Variants in UBTF observed in about 807,000 individuals in gnomAD.
UBTF encodes nucleolar transcription factor 1.
UBTF carries 8 observed loss-of-function variants against 112.3 expected under a neutral mutation model. The ratio of observed to expected loss-of-function variants is 0.07; its 90% CI spans 0.04 to 0.13. The LOEUF (loss-of-function observed/expected upper bound fraction) is 0.13. Among genes scored for constraint, UBTF ranks in the 10% least tolerant of loss-of-function variants. The pLI, the probability that UBTF is intolerant of heterozygous loss-of-function variation, is 1.00. For synonymous variants in UBTF, 417 were observed against 373.1 expected (o/e 1.12, Z -1.36); for missense variants, 457 against 982.1 (o/e 0.47, Z 7.15).
At position 44,207,278 on chromosome 17, in the gene UBTF, G is replaced by A; in HGVS notation, c.2259C>T (p.Ser753=). ...CAGAGTCTGAGGAGTCCCCTGAGGA[G>A]GAGGAGCTGGAGCTGCTGCCCTCGG... ...NESEGSSSSS[S]SSGDSSDSDS... is the part of the protein sequence containing the mutation. Residue 753 remains serine (S), a synonymous_variant, in exon 21 of 21, where the codon TCC becomes TCT. Transcript: ENST00000436088. 1.2e-6 allele frequency: 2 copies of A among 1,613,572 alleles called. No homozygotes were observed. Among genetic ancestry groups the A allele is most frequent in the Non-Finnish European group, 1.7e-6 (2 of 1,179,834 alleles).
chr17:44,209,149 G>A (rs865820580), intron 17 of UBTF: 5 of 504,482 alleles, frequency 9.9e-6, no homozygotes, highest in Middle Eastern at 1.1e-3. Flanking sequence ...AGCCTGGGCA[G>A]GAGAGCAAGA....
rs781283418 is a variant in UBTF, at chr17:44,210,938, C to T, written c.1213G>A (p.Glu405Lys). The change falls in exon 13 of 21, where the codon GAG (glutamate) becomes AAG (lysine). Residue 405 changes from glutamate to lysine, a missense_variant. Physicochemically the swap from Glu to Lys is moderately conservative, Grantham distance 56. This residue lies in a region of UBTF where 108 missense variants were observed against 137.4 expected (regional missense o/e 0.79). Transcript: ENST00000436088. ...GCCGACACGGGCCGCTTGGGCTTCT[C>T]GGAGCCGCCCTGTCCAGGTGCAGAG... Reference protein sequence around the residue: ...PAQEGGKGGSEKPKRPVSAMF... With the variant: ...PAQEGGKGGSKKPKRPVSAMF... 2.5e-6 allele frequency: 4 copies of T among 1,606,662 alleles called. No homozygotes were observed. Among genetic ancestry groups the T allele is most frequent in the Non-Finnish European group, 2.5e-6 (3 of 1,178,788 alleles).
upstream of UBTF, chr17:44,221,185 C>T (rs982881917): frequency 6.6e-6 from 1 of 152,054 alleles, no homozygotes; most frequent in Non-Finnish European, 1.5e-5. Context: ...TATTTCTGCC[C>T]CCAGCTCGCA....
intron 19 of UBTF, 37 bp downstream of exon 19, chr17:44,207,662 C>CGCCCCA (rs1555577217): frequency 2.7e-5 from 43 of 1,614,094 alleles, no homozygotes; most frequent in Non-Finnish European, 3.6e-5. Flanking sequence ...GCAGTGCCCC[C>CGCCCCA]CGCCCCACGC....
Position 44,210,585 on chromosome 17 carries a change from T to C in UBTF, c.1360-112A>G, listed in dbSNP as rs1002528538. 69 of 1,412,874 alleles carry C rather than the reference T, an allele frequency of 4.9e-5. No homozygotes were observed. In the Admixed American group the frequency reaches 7.4e-4, roughly 15 times the overall value. 87.5% of individuals were successfully genotyped at this position (1,412,874 alleles called of 1,614,324 possible). A position where few individuals can be genotyped will look rare whatever the true frequency, so the allele number is the denominator to read the frequency against. ...GGGCAGAAGCATGGGCTGGTGCAGA[T>C]GTCTCCCGCCTGGGGCTCGCCCCCG... is the stretch of plus-strand genomic sequence containing the variant. On this transcript the variant is annotated intron_variant, in intron 13 of 20. Coordinates refer to ENST00000436088, the MANE Select transcript of UBTF (RefSeq NM_014233.4).
intron 5 of UBTF, among the ~76,000 whole-genome samples, chr17:44,213,548 G>A (rs762415264): frequency 9.2e-5 from 14 of 152,200 alleles, no homozygotes; most frequent in Admixed American, 3.9e-4. Context: ...GTCCCAGAAG[G>A]GGGCCATGGC....
rs560830882 is a variant in UBTF at position 44,205,822 on chromosome 17, G to A, written c.*1420C>T. The A allele has an allele frequency of 6.6e-6, 1 of 152,250 alleles. No individual in the cohort carries two copies. The highest frequency in any genetic ancestry group is 1.5e-5 in the Non-Finnish European group (1 of 68,050). The allele number at this position is 152,250 out of a possible 1,614,324, so 9.4% of individuals were successfully genotyped here. A position where few individuals can be genotyped will look rare whatever the true frequency, so the allele number is the denominator to read the frequency against. On this transcript the variant is annotated 3_prime_UTR_variant, in exon 21 of 21. Coordinates refer to ENST00000436088, the MANE Select transcript of UBTF (RefSeq NM_014233.4). ...AAAAAAATAAGAACTACAGAGATAA[G>A]GTGGCTTGGCTTATTAAGAGTCAAG...
intron 2 of UBTF, 21 bp from the exon 3 acceptor site, chr17:44,216,725 C>T: frequency 1.2e-6 from 2 of 1,613,276 alleles, no homozygotes; most frequent in South Asian, 2.2e-5. Context: ...GTAACAGAGG[C>T]CATCATGCCT....
intron 20 of UBTF, 43 bp downstream of exon 20, chr17:44,207,411 G>A (rs2056319018): frequency 3.1e-6 from 5 of 1,611,684 alleles, no homozygotes; most frequent in Non-Finnish European, 4.2e-6. Flanking sequence ...TGGCCCTCCT[G>A]GCAGGACTCC....
At chr17:44,208,092 ATTTTTTTTTTTTTT>A (rs57107684) in intron 17 of UBTF, among the ~76,000 whole-genome samples, 181 bp from the exon 18 acceptor site, 9 of 117,994 alleles carry the variant, frequency 7.6e-5, no homozygotes, top group Non-Finnish European at 1.4e-4. Context: ...CACAGCTCTA[ATTTTTTTTTTTTTT>A]TTTTTTTTTT....
intron 15 of UBTF, 30 bp from the exon 16 acceptor site, chr17:44,209,763 C>T: frequency 6.2e-7 from 1 of 1,606,530 alleles, no homozygotes; most frequent in Non-Finnish European, 8.5e-7. Flanking sequence ...GCTCACCCCC[C>T]AGTCCCACCC....
chr17:44,209,941 G>C (rs1341724806), intron 15 of UBTF, among the ~76,000 whole-genome samples, 183 bp downstream of exon 15: 1 of 152,136 alleles, frequency 6.6e-6, no homozygotes, highest in Non-Finnish European at 1.5e-5. Context: ...CGCATCCTCC[G>C]AGTCAGCCTG....
chr17:44,210,581 C>T, intron 13 of UBTF, 108 bp from the exon 14 acceptor site: 1 of 1,417,162 alleles, frequency 7.1e-7, no homozygotes, highest in Non-Finnish European at 9.2e-7. Context: ...TGGGCTGGTG[C>T]AGATGTCTCC....
upstream of UBTF, chr17:44,219,748 C>G (rs1358759150): frequency 6.5e-6 from 1 of 153,698 alleles, no homozygotes; most frequent in Non-Finnish European, 1.4e-5. Flanking sequence ...CACCCCCCGC[C>G]GCCGCCGCAG....
chr17:44,210,579 T>C, intron 13 of UBTF, 106 bp from the exon 14 acceptor site: 2 of 1,421,264 alleles, frequency 1.4e-6, no homozygotes, highest in Non-Finnish European at 1.8e-6. Context: ...CATGGGCTGG[T>C]GCAGATGTCT....
chr17:44,215,393 G>A, intron 5 of UBTF: 3 of 498,220 alleles, frequency 6.0e-6, no homozygotes, highest in Non-Finnish European at 7.2e-6. Context: ...GCTTGAAACA[G>A]AATGCTGTGG....
chr17:44,212,782 T>C, intron 7 of UBTF, 37 bp downstream of exon 7: 1 of 1,611,200 alleles, frequency 6.2e-7, no homozygotes, highest in Non-Finnish European at 8.5e-7. Flanking sequence ...GCCACCGCCG[T>C]GCATCCTCCA....
intron 1 of UBTF, among the ~76,000 whole-genome samples, chr17:44,218,828 C>A (rs1040610833): frequency 6.6e-6 from 1 of 150,584 alleles, no homozygotes; most frequent in Non-Finnish European, 1.5e-5. Context: ...GCGGAGCGGC[C>A]GCACCGCCCC....
intron 17 of UBTF, among the ~76,000 whole-genome samples, chr17:44,208,270 CCTTAT>C (rs2056407268): frequency 6.6e-6 from 1 of 151,896 alleles, no homozygotes; most frequent in African/African-American, 2.4e-5. Context: ...CACCATGCTA[CCTTAT>C]AATTTTTTGT....
Sources: gnomAD v4.1 joint callset for allele counts (sites outside exome capture counted in the v4.1 genomes callset) on GRCh38, gnomAD v4.1.1 for gene constraint, gnomAD v4.1.1 regional missense constraint, MANE v1.5 for transcripts, NCBI Gene and HGNC (gene_info 2026-07-23, HGNC 2026-07-21) for gene names.